Variants in SGO1 observed in about 807,000 individuals in gnomAD.
SGO1 encodes shugoshin 1.
In SGO1, 39 loss-of-function variants were observed where a neutral mutation model predicts 50.5. The ratio of observed to expected loss-of-function variants is 0.77; its 90% CI spans 0.60 to 1.01. SGO1 has a LOEUF of 1.01. Among genes scored for constraint, SGO1 ranks in the 50% least tolerant of loss-of-function variants. SGO1 has a pLI of 0.00. For synonymous variants in SGO1, 191 were observed against 205.1 expected, an observed-to-expected ratio of 0.93 and a Z score of 0.59; for missense variants, 638 against 606.0, an observed-to-expected ratio of 1.05 and a Z score of -0.55.
At chr3:20,173,909 C>G (rs1701059739) in intron 6 of SGO1, among the ~76,000 whole-genome samples, 1 of 152,174 alleles carries the variant, frequency 6.6e-6, no homozygotes, top group African/African-American at 2.4e-5. Context: ...AATTTGATTT[C>G]ACTTTCAAGG....
exon 9 of SGO1, chr3:20,160,690 TA>T (rs954393432): frequency 6.5e-5 from 10 of 153,960 alleles, no homozygotes; most frequent in Non-Finnish European, 1.0e-4. Flanking sequence ...TTTTGTGATT[TA>T]AAAAAAAATC....
In SGO1 at chr3:20,171,038, C is replaced by A; in HGVS notation, c.1472+5G>T. ...AAAATAAGTTCCCACAAACCAAATA[C>A]TTACGAAGCGAGGGTGGGCTCCTTA... On this transcript the variant is annotated splice_donor_5th_base_variant and intron_variant, in intron 7 of 7. Coordinates refer to ENST00000412997, the MANE Select transcript of SGO1 (RefSeq NM_001199251.3). The A allele has an allele frequency of 6.3e-7, 1 of 1,578,142 alleles. No homozygotes were observed. Among genetic ancestry groups the A allele is most frequent in the South Asian group, 1.2e-5 (1 of 84,774 alleles).
rs540803257 is a variant in SGO1, at chr3:20,176,446, T to A, written c.475+155A>T. Among the ~76,000 whole-genome samples, 6 of 152,278 alleles carry A rather than the reference T, an allele frequency of 3.9e-5. No homozygotes were observed. In the South Asian group the frequency reaches 1.2e-3, roughly 32 times the overall value. On this transcript the variant is annotated intron_variant, in intron 5 of 7. Transcript: ENST00000412997. ...TAAATATATTTTAACACTCTATTAC[T>A]CTGTGTAAAATAAACAGATTTGCTT...
chr3:20,177,580 G>A (rs1435873166), intron 4 of SGO1, among the ~76,000 whole-genome samples: 1 of 152,164 alleles, frequency 6.6e-6, no homozygotes, highest in Admixed American at 6.6e-5. Flanking sequence ...GGCTATGGAT[G>A]CTGCTAAACA....
At position 20,174,240 on chromosome 3, in the gene SGO1, A is replaced by G. The variant is rs1310468215; in HGVS notation, c.1282+9T>C. Reference sequence around the variant, plus strand: ...ATTAAAAATACAGGTAAACAAGTAGATCACTTACTGGTAGGAGTTTTTGTT... The same window carrying G: ...ATTAAAAATACAGGTAAACAAGTAGGTCACTTACTGGTAGGAGTTTTTGTT... On this transcript the variant is annotated intron_variant, in intron 6 of 7. Coordinates refer to ENST00000412997, the MANE Select transcript of SGO1 (RefSeq NM_001199251.3). The G allele has an allele frequency of 1.3e-6, 2 of 1,591,780 alleles. No homozygotes were observed. The highest frequency in any genetic ancestry group is 1.7e-6 in the Non-Finnish European group (2 of 1,160,506).
At chr3:20,168,410 T>C (rs980042197), downstream of SGO1, among the ~76,000 whole-genome samples, 8 of 150,030 alleles carry the variant, frequency 5.3e-5, no homozygotes, top group East Asian at 1.2e-3. Flanking sequence ...ATCATTAAAA[T>C]TGATTTCAAA....
intron 1 of SGO1, among the ~76,000 whole-genome samples, chr3:20,185,258 C>T (rs112516776): frequency 3.3e-5 from 5 of 152,256 alleles, no homozygotes; most frequent in African/African-American, 1.2e-4. Flanking sequence ...GAGAGTCATA[C>T]AGATTAAGTA....
At chr3:20,179,836 G>C (rs944964789) in intron 3 of SGO1, among the ~76,000 whole-genome samples, 1 of 152,198 alleles carries the variant, frequency 6.6e-6, no homozygotes, top group African/African-American at 2.4e-5. Context: ...ATGATATCAT[G>C]AAAACTAAGA....
exon 9 of SGO1, chr3:20,160,939 A>G (rs748904526): frequency 2.4e-4 from 244 of 1,001,686 alleles, no homozygotes; most frequent in Non-Finnish European, 3.3e-4. Context: ...TGCTATCTCT[A>G]ATTAAAGGGC....
At chr3:20,185,299 G>A (rs1255348103) in intron 1 of SGO1, among the ~76,000 whole-genome samples, 2 of 152,162 alleles carry the variant, frequency 1.3e-5, no homozygotes, top group Non-Finnish European at 2.9e-5. Flanking sequence ...GTATTTTAAA[G>A]GCAAAGCCTT....
intron 4 of SGO1, among the ~76,000 whole-genome samples, chr3:20,178,032 G>T (rs1701596250): frequency 6.6e-6 from 1 of 152,042 alleles, no homozygotes; most frequent in Admixed American, 6.6e-5. Context: ...AAAAACTGTG[G>T]TAAGGCTTCT....
In SGO1 at chr3:20,174,525, T is replaced by A; in HGVS notation, c.1006A>T (p.Asn336Tyr). 1 of 1,614,152 alleles carries A rather than the reference T, an allele frequency of 6.2e-7. No homozygotes were observed. Among genetic ancestry groups the A allele is most frequent in the Non-Finnish European group, 8.5e-7 (1 of 1,180,016 alleles). Residue 336 changes from asparagine to tyrosine, a missense_variant, in exon 6 of 8, where the codon AAT becomes TAT. Asn to Tyr is a moderately radical substitution (Grantham distance 143). Transcript: ENST00000412997. ...HKSVSSNDAY[N>Y]FNLEEGVHLT... The stretch of plus-strand genomic sequence containing the variant: ...TGAACACCCTCTTCCAAATTAAAAT[T>A]GTAAGCATCATTGGAACTGACAGAT...
At chr3:20,161,009 C>G in exon 9 of SGO1, 1 of 1,562,964 alleles carries the variant, frequency 6.4e-7, no homozygotes, top group South Asian at 1.2e-5. Flanking sequence ...CTCCATCTCT[C>G]CCCCAACACA....
chr3:20,178,434 A>C, intron 3 of SGO1, 87 bp from the exon 4 acceptor site: 1 of 951,140 alleles, frequency 1.1e-6, no homozygotes, highest in Non-Finnish European at 1.7e-6. Context: ...ACTTGTTGAC[A>C]GTCTATCATG....
At chr3:20,171,501 G>A (rs916044763) in intron 6 of SGO1, among the ~76,000 whole-genome samples, 1 of 152,120 alleles carries the variant, frequency 6.6e-6, no homozygotes, top group African/African-American at 2.4e-5. Context: ...ACCATGCCCA[G>A]CCAATAATAA....
At chr3:20,173,920 G>A (rs1271743884) in intron 6 of SGO1, among the ~76,000 whole-genome samples, 1 of 152,078 alleles carries the variant, frequency 6.6e-6, no homozygotes, top group Non-Finnish European at 1.5e-5. Context: ...ACTTTCAAGG[G>A]GATACTTCAG....
Position 20,174,491 on chromosome 3 carries a change from G to A in SGO1, c.1040C>T (p.Pro347Leu). The change falls in exon 6 of 8, where the codon CCT (proline) becomes CTT (leucine). Residue 347 changes from proline (P) to leucine (L), a missense_variant. Physicochemically the swap from Pro to Leu is moderately conservative, Grantham distance 98. Transcript: ENST00000412997. The stretch of plus-strand genomic sequence containing the variant: ...GTCATTGCTCACTTTTTGTCGGAAA[G>A]GAGTAAGATGAACACCCTCTTCCAA... ...FNLEEGVHLT[P>L]FRQKVSNDSN... The A allele has an allele frequency of 6.8e-6, 11 of 1,614,096 alleles. No individual in the cohort carries two copies. Among genetic ancestry groups the A allele is most frequent in the Non-Finnish European group, 8.5e-6 (10 of 1,179,996 alleles).
chr3:20,177,070 A>C (rs1302449171), intron 4 of SGO1: 1 of 154,476 alleles, frequency 6.5e-6, no homozygotes, highest in African/African-American at 2.4e-5. Context: ...TATGGTGCTT[A>C]ACTATTGAAC....
In SGO1 at chr3:20,169,784, A is replaced by G; in HGVS notation, c.*920T>C. 2 of 962,044 alleles carry G rather than the reference A, an allele frequency of 2.1e-6. No individual in the cohort carries two copies. Among genetic ancestry groups the G allele is most frequent in the East Asian group, 2.3e-4 (2 of 8,704 alleles). The allele number at this position is 962,044 out of a possible 1,614,324, so 59.6% of individuals were successfully genotyped here. A position where few individuals can be genotyped will look rare whatever the true frequency, so the allele number is the denominator to read the frequency against. ...CACTTATCTTGTCCCTGAGCCTAAA[A>G]AAGAATCAATTTCTCTAGTCATTTT... On this transcript the variant is annotated 3_prime_UTR_variant, in exon 8 of 8. Coordinates refer to ENST00000412997, the MANE Select transcript of SGO1 (RefSeq NM_001199251.3).
Sources: allele counts gnomAD v4.1 joint callset (sites outside exome capture counted in the v4.1 genomes callset), GRCh38; gene constraint gnomAD v4.1.1; transcripts MANE v1.5; gene names NCBI Gene and HGNC (gene_info 2026-07-23, HGNC 2026-07-21).